BMPR1B: variants seen among roughly 807,000 people sequenced by gnomAD.
The protein encoded by BMPR1B is bone morphogenetic protein receptor type 1B, also known as bone morphogenetic protein receptor type-1B.
BMPR1B carries 12 observed loss-of-function variants against 59.1 expected under a neutral mutation model. That is an observed-to-expected ratio of 0.20 (90% confidence interval 0.13 to 0.33). The LOEUF is 0.33. Among genes scored for constraint, BMPR1B ranks in the 10% least tolerant of loss-of-function variants. BMPR1B has a pLI of 1.00. For missense variants in BMPR1B, 550 were observed against 610.9 expected (o/e 0.90, Z 1.05); for synonymous variants, 237 against 207.3 (o/e 1.14, Z -1.23).
At chr4:95,064,420 G>C (rs890028092) in intron 3 of BMPR1B, among the ~76,000 whole-genome samples, 2 of 152,166 alleles carry the variant, frequency 1.3e-5, no homozygotes, top group Non-Finnish European at 2.9e-5. Flanking sequence ...TTCATGCACA[G>C]TTGTGGGCTC....
chr4:94,876,865 C>G (rs1027555557), intron 2 of BMPR1B, among the ~76,000 whole-genome samples: 14 of 152,086 alleles, frequency 9.2e-5, no homozygotes, highest in Non-Finnish European at 1.2e-4. Context: ...ATTTTTTATA[C>G]TTTAAATCCT....
chr4:94,963,521 A>G (rs1041197805), intron 2 of BMPR1B, among the ~76,000 whole-genome samples: 5 of 152,174 alleles, frequency 3.3e-5, no homozygotes, highest in African/African-American at 4.8e-5. Flanking sequence ...ATTTTTGTAT[A>G]TGGCACAAGA....
intron 1 of BMPR1B, among the ~76,000 whole-genome samples, chr4:94,836,289 T>A (rs1724816109): frequency 1.3e-5 from 2 of 151,594 alleles, no homozygotes; most frequent in South Asian, 4.2e-4. Context: ...ATGGGATGGC[T>A]GGGTCAAATG....
At chr4:94,954,137 C>A (rs998870641) in intron 2 of BMPR1B, among the ~76,000 whole-genome samples, 1 of 152,122 alleles carries the variant, frequency 6.6e-6, no homozygotes, top group Non-Finnish European at 1.5e-5. Flanking sequence ...CTTCTCTAAA[C>A]TGGTTAGAGA....
intron 3 of BMPR1B, among the ~76,000 whole-genome samples, chr4:95,044,002 A>G (rs74866534): frequency 0.015 from 2,220 of 152,312 alleles, 24 homozygotes; most frequent in South Asian, 0.023. Flanking sequence ...GACTTAAAAT[A>G]TGTTTTGAGT....
intron 1 of BMPR1B, among the ~76,000 whole-genome samples, chr4:94,809,112 A>G (rs1253941765): frequency 1.3e-5 from 2 of 152,172 alleles, no homozygotes; most frequent in Non-Finnish European, 2.9e-5. Context: ...TTGGACCTTT[A>G]TAAATGTGTT....
At chr4:95,065,829 A>G (rs1334436163) in intron 3 of BMPR1B, among the ~76,000 whole-genome samples, 1 of 152,206 alleles carries the variant, frequency 6.6e-6, no homozygotes. Context: ...TGCTTTCTTC[A>G]ATATCAATTA....
intron 8 of BMPR1B, among the ~76,000 whole-genome samples, chr4:95,129,621 AT>A (rs1733162175): frequency 1.3e-5 from 2 of 152,218 alleles, no homozygotes; most frequent in African/African-American, 4.8e-5. Flanking sequence ...TAATACTAAA[AT>A]AAAGTATTTC....
intron 3 of BMPR1B, among the ~76,000 whole-genome samples, chr4:95,020,023 A>G (rs1374946804): frequency 6.6e-6 from 1 of 152,174 alleles, no homozygotes; most frequent in Non-Finnish European, 1.5e-5. Flanking sequence ...ATAGTTTATT[A>G]TATAATAATA....
At chr4:95,102,801 G>C (rs1579081945) in intron 3 of BMPR1B, among the ~76,000 whole-genome samples, 1 of 152,098 alleles carries the variant, frequency 6.6e-6, no homozygotes, top group Non-Finnish European at 1.5e-5. Flanking sequence ...TGTATTGGGA[G>C]TAATTGTGTG....
chr4:95,150,564 A>G (rs373885156), intron 11 of BMPR1B, among the ~76,000 whole-genome samples: 1 of 152,156 alleles, frequency 6.6e-6, no homozygotes, highest in African/African-American at 2.4e-5. Flanking sequence ...TTATTTTTCT[A>G]ATTATGTTTT....
At position 94,902,245 on chromosome 4, in the gene BMPR1B, CACACAGAG is replaced by C. The variant is rs1410453429; in HGVS notation, c.-113+26347_-113+26354del. Among the ~76,000 whole-genome samples the C allele has an allele frequency of 2.5e-3, 228 of 91,652 alleles. 1 individual carries two copies. The highest frequency in any genetic ancestry group is 9.8e-3 in the Middle Eastern group (2 of 204). 60.1% of individuals were successfully genotyped at this position (91,652 alleles called of 152,430 possible). Reference sequence around the variant, plus strand: ...ACACACACACACACACACACACACACACACAGAGAGAGAGAGAGAGAGAGAGAGAGAGA... The same window carrying C: ...ACACACACACACACACACACACACACAGAGAGAGAGAGAGAGAGAGAGAGA... On this transcript the variant is annotated intron_variant, in intron 2 of 12. Coordinates refer to ENST00000515059, the MANE Select transcript of BMPR1B (RefSeq NM_001203.3).
intron 2 of BMPR1B, among the ~76,000 whole-genome samples, chr4:94,915,590 A>T (rs1159374902): frequency 6.6e-6 from 1 of 152,200 alleles, no homozygotes; most frequent in African/African-American, 2.4e-5. Flanking sequence ...AATGTTTTTG[A>T]AATCGACACA....
chr4:94,840,627 C>T (rs898678207), intron 1 of BMPR1B, among the ~76,000 whole-genome samples: 1 of 145,262 alleles, frequency 6.9e-6, no homozygotes, highest in Non-Finnish European at 1.5e-5. Flanking sequence ...CTCCTTTAAG[C>T]ACTTCTTTGT....
In BMPR1B at chr4:95,086,549, T is replaced by C. The variant is rs192032984; in HGVS notation, c.-17-17859T>C. Among the ~76,000 whole-genome samples, 548 of 152,332 alleles carry C rather than the reference T, an allele frequency of 3.6e-3. 5 individuals are homozygous for C. The highest frequency in any genetic ancestry group is 6.4e-3 in the Non-Finnish European group (436 of 68,036). On this transcript the variant is annotated intron_variant, in intron 3 of 12. Coordinates refer to ENST00000515059, the MANE Select transcript of BMPR1B (RefSeq NM_001203.3). ...TTTATTGTTGTTCAACCTGTTGTAT[T>C]GTCAGTGAAACAGAACAGAGGAGGT...
intron 7 of BMPR1B, 42 bp from the exon 8 acceptor site, chr4:95,124,941 G>A (rs113814788): frequency 1.3e-6 from 2 of 1,576,662 alleles, no homozygotes; most frequent in Admixed American, 1.7e-5. Context: ...CTCCATCATT[G>A]CATTTCATTA....
chr4:94,917,565 A>G (rs1258442447), intron 2 of BMPR1B, among the ~76,000 whole-genome samples: 1 of 152,170 alleles, frequency 6.6e-6, no homozygotes, highest in Non-Finnish European at 1.5e-5. Context: ...TCTTTTGGCC[A>G]GTCTCTCCCC....
intron 1 of BMPR1B, among the ~76,000 whole-genome samples, chr4:94,866,752 T>A (rs1726263755): frequency 6.6e-6 from 1 of 152,086 alleles, no homozygotes; most frequent in African/African-American, 2.4e-5. Context: ...CCTGGCTAAT[T>A]TTTGTGTTTT....
In BMPR1B at chr4:95,154,682, G is replaced by A. The variant is rs112333283; in HGVS notation, c.*9G>A. On this transcript the variant is annotated 3_prime_UTR_variant, in exon 13 of 13. Transcript: ENST00000515059. ...AGGACATTAAACTCTGATAGGAGAG[G>A]AAAAGTAAGCATCTCTGCAGAAAGC... 1 of 1,613,954 alleles carries A rather than the reference G, an allele frequency of 6.2e-7. No homozygotes were observed. The highest frequency in any genetic ancestry group is 1.3e-5 in the African/African-American group (1 of 75,042).
Sources: allele counts gnomAD v4.1 joint callset (sites outside exome capture counted in the v4.1 genomes callset), GRCh38; gene constraint gnomAD v4.1.1; transcripts MANE v1.5; gene names NCBI Gene and HGNC (gene_info 2026-07-23, HGNC 2026-07-21).